The following ARHGAP8 variants were observed in gnomAD, a reference collection of about 807,000 sequenced individuals.
The protein encoded by ARHGAP8 is rho GTPase-activating protein 8.
In ARHGAP8, 62 loss-of-function variants were observed where a neutral mutation model predicts 46.1. That is an observed-to-expected ratio of 1.34 (90% CI 1.10 to 1.66). The LOEUF (loss-of-function observed/expected upper bound fraction) is 1.66. ARHGAP8 is among the 40% of genes most tolerant of loss of function. The pLI is 0.00. For missense variants in ARHGAP8, 923 were observed against 568.4 expected, an observed-to-expected ratio of 1.62 and a Z score of -6.34; for synonymous variants, 375 against 243.1, an observed-to-expected ratio of 1.54 and a Z score of -5.05.
chr22:44,798,529 G>T (rs565998393), intron 2 of ARHGAP8, among the ~76,000 whole-genome samples: 1 of 130,030 alleles, frequency 7.7e-6, no homozygotes, highest in African/African-American at 2.8e-5. Flanking sequence ...GGGGACTTGC[G>T]TTTTTTTTTT....
At chr22:44,844,529 C>A (rs2069907762) in intron 7 of ARHGAP8, among the ~76,000 whole-genome samples, 1 of 152,104 alleles carries the variant, frequency 6.6e-6, no homozygotes, top group African/African-American at 2.4e-5. Context: ...GTGGCACAAT[C>A]TCAGCTCACT....
intron 10 of ARHGAP8, among the ~76,000 whole-genome samples, chr22:44,855,675 G>A (rs375514551): frequency 1.3e-5 from 2 of 151,974 alleles, no homozygotes; most frequent in Admixed American, 1.3e-4. Flanking sequence ...AATGTAACTC[G>A]AAACCCATAA....
chr22:44,858,795 C>T (rs887630529), intron 10 of ARHGAP8, among the ~76,000 whole-genome samples: 1 of 150,700 alleles, frequency 6.6e-6, no homozygotes, highest in Non-Finnish European at 1.5e-5. Context: ...CACTGCCTTT[C>T]CAAGAGCAAC....
In ARHGAP8 at chr22:44,858,533, C is replaced by CTTTTTTTTTTTTTTT. The variant is rs10700242; in HGVS notation, c.878-1194_878-1180dup. 1.0e-4 allele frequency among the ~76,000 whole-genome samples: 9 copies of CTTTTTTTTTTTTTTT among 89,780 alleles called. 1 individual carries two copies. The highest frequency in any genetic ancestry group is 3.2e-4 in the East Asian group (1 of 3,142). 58.9% of individuals were successfully genotyped at this position (89,780 alleles called of 152,430 possible). A position where few individuals can be genotyped will look rare whatever the true frequency, so the allele number is the denominator to read the frequency against. On this transcript the variant is annotated intron_variant, in intron 10 of 11. Transcript: ENST00000356099. ...TACAGGTGTGTGCCACCATACCCGG[C>CTTTTTTTTTTTTTTT]TTTTTTTTTTTTTTTTTTAAGTAAC...
At chr22:44,816,978 T>G (rs936075866) in intron 5 of ARHGAP8, among the ~76,000 whole-genome samples, 1 of 150,004 alleles carries the variant, frequency 6.7e-6, no homozygotes, top group Non-Finnish European at 1.5e-5. Context: ...CTCTGCCTCC[T>G]GGGTTCAAGC....
intron 10 of ARHGAP8, among the ~76,000 whole-genome samples, chr22:44,858,533 C>CTTTT (rs10700242): frequency 0.19 from 16,804 of 89,364 alleles, 2,470 homozygotes; most frequent in East Asian, 0.59. Context: ...CCATACCCGG[C>CTTTT]TTTTTTTTTT....
intron 1 of ARHGAP8, among the ~76,000 whole-genome samples, chr22:44,770,520 C>T (rs1925922530): frequency 6.6e-6 from 1 of 152,092 alleles, no homozygotes; most frequent in African/African-American, 2.4e-5. Flanking sequence ...GTCCTCCTGC[C>T]TCAGCCTCCT....
At chr22:44,763,566 A>T (rs1408749774) in intron 1 of ARHGAP8, among the ~76,000 whole-genome samples, 2 of 151,852 alleles carry the variant, frequency 1.3e-5, no homozygotes, top group Non-Finnish European at 2.9e-5. Context: ...GTAAAAATGA[A>T]CGCATTAAAG....
intron 4 of ARHGAP8, 123 bp downstream of exon 4, chr22:44,808,561 G>A (rs895372109): frequency 7.3e-6 from 11 of 1,511,010 alleles, no homozygotes; most frequent in Middle Eastern, 1.8e-4. Context: ...GGAGGGTGGA[G>A]GGTGAGCAAA....
intron 5 of ARHGAP8, among the ~76,000 whole-genome samples, chr22:44,815,654 T>C (rs143782410): frequency 6.6e-6 from 1 of 152,198 alleles, no homozygotes; most frequent in African/African-American, 2.4e-5. Flanking sequence ...AGCCCGGAAA[T>C]GTGGCGACTT....
chr22:44,837,617 A>AGAGTCCCCT (rs1931374484), intron 7 of ARHGAP8, among the ~76,000 whole-genome samples: 1 of 152,208 alleles, frequency 6.6e-6, no homozygotes, highest in Non-Finnish European at 1.5e-5. Context: ...TCTGCCAACC[A>AGAGTCCCCT]GAGTCCCCTG....
chr22:44,861,923 C>T (rs571718631), intron 11 of ARHGAP8, among the ~76,000 whole-genome samples: 32 of 152,260 alleles, frequency 2.1e-4, no homozygotes, highest in South Asian at 2.1e-3. Flanking sequence ...CTCACAGAGC[C>T]GAGGCCAGAG....
chr22:44,764,686 G>A (rs776028927), intron 1 of ARHGAP8, among the ~76,000 whole-genome samples: 13 of 152,236 alleles, frequency 8.5e-5, no homozygotes, highest in Admixed American at 8.5e-4. Context: ...ATGCTCGCTG[G>A]GGTGGTCCTG....
chr22:44,826,876 C>T (rs951587248), intron 7 of ARHGAP8, among the ~76,000 whole-genome samples: 4 of 152,276 alleles, frequency 2.6e-5, no homozygotes, highest in African/African-American at 9.6e-5. Flanking sequence ...GAAGTGGATT[C>T]GGCCCTGGGG....
rs776955308 is a variant in ARHGAP8 at position 44,862,377 on chromosome 22, G to A, written c.1084G>A (p.Ala362Thr). 17 of 1,614,180 alleles carry A rather than the reference G, an allele frequency of 1.1e-5. No homozygotes were observed. Among genetic ancestry groups the A allele is most frequent in the South Asian group, 2.2e-5 (2 of 91,076 alleles). ...WPSQGVSSLSALVPLNMFTEL... is the reference protein window; with the variant it reads ...WPSQGVSSLSTLVPLNMFTEL... ...ATCCCAGGGGGTCTCCTCCCTGAGT[G>A]CCCTTGTGCCCCTGAACATGTTCAC... Residue 362 changes from alanine (A) to threonine (T), a missense_variant, in exon 12 of 12, where the codon GCC becomes ACC. Ala to Thr is a moderately conservative substitution (Grantham distance 58). Coordinates refer to ENST00000356099, the MANE Select transcript of ARHGAP8 (RefSeq NM_181335.3).
At chr22:44,813,410 AC>A (rs1197508549) in intron 4 of ARHGAP8, among the ~76,000 whole-genome samples, 1 of 138,716 alleles carries the variant, frequency 7.2e-6, no homozygotes, top group African/African-American at 2.9e-5. Flanking sequence ...ACATACAGAC[AC>A]CTACATGTAC....
chr22:44,851,776 C>T (rs1005359710), intron 10 of ARHGAP8, among the ~76,000 whole-genome samples: 2 of 151,810 alleles, frequency 1.3e-5, no homozygotes, highest in African/African-American at 2.4e-5. Flanking sequence ...GAGTTGGAGG[C>T]TACAGTGAGC....
At chr22:44,812,084 T>C (rs139575103) in intron 4 of ARHGAP8, among the ~76,000 whole-genome samples, 1 of 151,990 alleles carries the variant, frequency 6.6e-6, no homozygotes, top group African/African-American at 2.4e-5. Context: ...TTTTCTGTTC[T>C]CTCTGCCTTT....
At chr22:44,753,171 G>T (rs1294818329) in intron 1 of ARHGAP8, among the ~76,000 whole-genome samples, 2 of 151,994 alleles carry the variant, frequency 1.3e-5, no homozygotes, top group Non-Finnish European at 2.9e-5. Flanking sequence ...GGGGGTGGGG[G>T]GCTGGCCGGT....
Sources: allele counts gnomAD v4.1 joint callset (sites outside exome capture counted in the v4.1 genomes callset), GRCh38; gene constraint gnomAD v4.1.1; transcripts MANE v1.5; gene names NCBI Gene and HGNC (gene_info 2026-07-23, HGNC 2026-07-21).